ZNF385D: variants seen among roughly 807,000 people sequenced by gnomAD.
ZNF385D encodes the protein zinc finger protein 659.
A neutral mutation model predicts 35.8 loss-of-function variants in ZNF385D; 15 were observed. The observed-to-expected ratio is 0.42, with a 90% CI of 0.28 to 0.64. The LOEUF (loss-of-function observed/expected upper bound fraction) is 0.64. Among genes scored for constraint, ZNF385D ranks in the 30% least tolerant of loss-of-function variants. The pLI, the probability that ZNF385D is intolerant of heterozygous loss-of-function variation, is 0.23. For synonymous variants in ZNF385D, 212 were observed against 186.8 expected (o/e 1.13, Z -1.10); for missense variants, 474 against 494.6 (o/e 0.96, Z 0.39).
chr3:21,807,102 A>G (rs182437597), intron 3 of ZNF385D, among the ~76,000 whole-genome samples: 22 of 152,344 alleles, frequency 1.4e-4, no homozygotes, highest in Admixed American at 2.6e-4. Context: ...CAGTAAAAAT[A>G]TAATGTGAAT....
At chr3:22,302,151 AG>A (rs1469677711) in intron 2 of ZNF385D, among the ~76,000 whole-genome samples, 2 of 152,086 alleles carry the variant, frequency 1.3e-5, no homozygotes, top group Non-Finnish European at 2.9e-5. Flanking sequence ...TCCAGAATGC[AG>A]GGATGCAGAT....
intron 2 of ZNF385D, among the ~76,000 whole-genome samples, chr3:21,571,566 C>T (rs1475647000): frequency 6.6e-6 from 1 of 152,090 alleles, no homozygotes; most frequent in Admixed American, 6.6e-5. Flanking sequence ...CAATATAATA[C>T]TGCCACTAAC....
chr3:22,013,669 A>C (rs1460594586), intron 3 of ZNF385D, among the ~76,000 whole-genome samples: 1 of 152,112 alleles, frequency 6.6e-6, no homozygotes, highest in African/African-American at 2.4e-5. Context: ...GTCCAGCCAG[A>C]CTAAAAATTT....
At chr3:21,548,210 C>T (rs1368292031) in intron 3 of ZNF385D, among the ~76,000 whole-genome samples, 1 of 152,152 alleles carries the variant, frequency 6.6e-6, no homozygotes, top group African/African-American at 2.4e-5. Flanking sequence ...GACAAGAACC[C>T]AGTCTTTAAC....
intron 1 of ZNF385D, among the ~76,000 whole-genome samples, chr3:21,694,656 G>A (rs976720543): frequency 2.6e-5 from 4 of 152,262 alleles, no homozygotes; most frequent in Non-Finnish European, 5.9e-5. Context: ...CAACTTGAGT[G>A]CTCATTTGTG....
intron 3 of ZNF385D, among the ~76,000 whole-genome samples, chr3:22,158,645 T>A (rs367606878): frequency 1.3e-5 from 2 of 152,002 alleles, no homozygotes; most frequent in South Asian, 2.1e-4. Flanking sequence ...ATTTAGTGAA[T>A]TGAATCTGTA....
intron 3 of ZNF385D, among the ~76,000 whole-genome samples, chr3:21,801,088 T>A (rs934723276): frequency 6.6e-6 from 1 of 152,178 alleles, no homozygotes; most frequent in Admixed American, 6.5e-5. Context: ...GGCCATGTAT[T>A]TTTCCCTTCA....
At chr3:22,146,226 G>GT in intron 3 of ZNF385D, among the ~76,000 whole-genome samples, 1 of 152,146 alleles carries the variant, frequency 6.6e-6, no homozygotes, top group Middle Eastern at 3.2e-3. Context: ...TCACCTCACA[G>GT]TTCTACATTG....
At chr3:21,845,526 T>G (rs2125796342) in intron 3 of ZNF385D, among the ~76,000 whole-genome samples, 1 of 152,120 alleles carries the variant, frequency 6.6e-6, no homozygotes, top group South Asian at 2.1e-4. Context: ...GTGTTATATT[T>G]TAGAAAGATA....
At chr3:22,091,511 A>C (rs1330604703) in intron 3 of ZNF385D, among the ~76,000 whole-genome samples, 2 of 152,238 alleles carry the variant, frequency 1.3e-5, no homozygotes, top group East Asian at 3.9e-4. Flanking sequence ...GATCTTCGGC[A>C]GTGTCCACTG....
At chr3:22,172,914 G>A (rs1349107994) in intron 2 of ZNF385D, among the ~76,000 whole-genome samples, 1 of 152,142 alleles carries the variant, frequency 6.6e-6, no homozygotes, top group Non-Finnish European at 1.5e-5. Context: ...TTAGTGACTT[G>A]CATCTAAACA....
chr3:22,158,665 T>TAC (rs1333676571), intron 3 of ZNF385D, among the ~76,000 whole-genome samples: 9 of 150,372 alleles, frequency 6.0e-5, no homozygotes, highest in South Asian at 4.2e-4. Flanking sequence ...AATACCATCT[T>TAC]ACACACACAC....
chr3:21,526,608 G>C (rs1708240226), intron 3 of ZNF385D, among the ~76,000 whole-genome samples: 1 of 152,252 alleles, frequency 6.6e-6, no homozygotes, highest in African/African-American at 2.4e-5. Flanking sequence ...TTCTGAAAGG[G>C]AATGCCTATC....
intron 3 of ZNF385D, among the ~76,000 whole-genome samples, chr3:21,895,965 C>G (rs751914896): frequency 6.6e-6 from 1 of 152,000 alleles, no homozygotes. Flanking sequence ...AATGATGTCA[C>G]CAAAATTTTT....
chr3:21,502,972 G>A (rs1706501258), intron 4 of ZNF385D, among the ~76,000 whole-genome samples: 2 of 152,164 alleles, frequency 1.3e-5, no homozygotes, highest in African/African-American at 4.8e-5. Flanking sequence ...GGGAGAATGG[G>A]TAGGAAAAGA....
At chr3:21,721,119 G>A (rs189402636) in intron 1 of ZNF385D, among the ~76,000 whole-genome samples, 149 of 151,860 alleles carry the variant, frequency 9.8e-4, no homozygotes, top group Non-Finnish European at 1.7e-3. Context: ...TACTCTTGCG[G>A]TTTATATCCT....
At chr3:21,848,354 T>C (rs7643353) in intron 3 of ZNF385D, among the ~76,000 whole-genome samples, 5,831 of 151,966 alleles carry the variant, frequency 0.038, 387 homozygotes, top group African/African-American at 0.13. Context: ...TTACTTCGGA[T>C]AAATATTTAG....
intron 3 of ZNF385D, among the ~76,000 whole-genome samples, chr3:22,042,585 T>C (rs1036013468): frequency 6.6e-6 from 1 of 152,132 alleles, no homozygotes. Context: ...GGTCCAATTT[T>C]TGGCAAAGCT....
intron 4 of ZNF385D, among the ~76,000 whole-genome samples, chr3:21,453,210 A>G (rs13095088): frequency 0.26 from 39,038 of 150,910 alleles, 6,663 homozygotes; most frequent in African/African-American, 0.48. Flanking sequence ...CTCACACCGC[A>G]TGTCATTCAA....
Sources: gnomAD v4.1 joint callset for allele counts (sites outside exome capture counted in the v4.1 genomes callset) on GRCh38, gnomAD v4.1.1 for gene constraint, MANE v1.5 for transcripts, NCBI Gene and HGNC (gene_info 2026-07-23, HGNC 2026-07-21) for gene names.